Variants in RICTOR observed in about 807,000 individuals in gnomAD.
The protein encoded by RICTOR is rapamycin-insensitive companion of mTOR.
Under a neutral mutation model 214.9 loss-of-function variants are expected in RICTOR, and 49 were observed. That is an observed-to-expected ratio of 0.23 (90% CI 0.18 to 0.29). The LOEUF (loss-of-function observed/expected upper bound fraction) is 0.29, where lower values mean the gene tolerates loss of function less well. Ranked by LOEUF, RICTOR falls within the 10% of genes least tolerant of loss-of-function variation. The pLI is 1.00. For missense variants in RICTOR, 1,625 were observed against 2,047.0 expected, an observed-to-expected ratio of 0.79 and a Z score of 3.98; for synonymous variants, 717 against 711.3, an observed-to-expected ratio of 1.01 and a Z score of -0.13.
intron 3 of RICTOR, among the ~76,000 whole-genome samples, chr5:39,010,557 C>A (rs1190212248): frequency 2.0e-5 from 3 of 152,128 alleles, no homozygotes; most frequent in African/African-American, 7.2e-5. Context: ...GTCCTATAGA[C>A]CTGTTGAATG....
intron 2 of RICTOR, among the ~76,000 whole-genome samples, chr5:39,033,671 G>A (rs552436468): frequency 2.0e-4 from 31 of 151,936 alleles, no homozygotes; most frequent in Admixed American, 9.2e-4. Flanking sequence ...AAGAGACACC[G>A]GGGACTAGTA....
chr5:38,978,041 T>A (rs1751387789), intron 9 of RICTOR, among the ~76,000 whole-genome samples: 1 of 152,216 alleles, frequency 6.6e-6, no homozygotes, highest in South Asian at 2.1e-4. Context: ...TTGCAAAATC[T>A]TTACAGAGTG....
At chr5:39,070,871 CAG>C (rs1190814743) in intron 2 of RICTOR, among the ~76,000 whole-genome samples, 1 of 152,182 alleles carries the variant, frequency 6.6e-6, no homozygotes, top group East Asian at 1.9e-4. Context: ...GCATGCATTA[CAG>C]ACAGTATTTA....
intron 2 of RICTOR, among the ~76,000 whole-genome samples, chr5:39,048,631 T>C (rs1424055503): frequency 6.6e-6 from 1 of 152,152 alleles, no homozygotes; most frequent in East Asian, 1.9e-4. Flanking sequence ...CTTGTGCTGG[T>C]TTCCCCCAGA....
chr5:39,035,044 C>G (rs1457240737), intron 2 of RICTOR, among the ~76,000 whole-genome samples: 1 of 152,248 alleles, frequency 6.6e-6, no homozygotes, highest in Non-Finnish European at 1.5e-5. Context: ...CCCCTGACCC[C>G]TGAGCAGCCT....
intron 11 of RICTOR, among the ~76,000 whole-genome samples, chr5:38,969,217 C>A (rs1352500665): frequency 6.6e-6 from 1 of 151,872 alleles, no homozygotes; most frequent in African/African-American, 2.4e-5. Context: ...GGTGATCTGC[C>A]CGCCTTGGCC....
chr5:39,036,080 C>T (rs944122260), intron 2 of RICTOR, among the ~76,000 whole-genome samples: 50 of 152,204 alleles, frequency 3.3e-4, no homozygotes, highest in Non-Finnish European at 3.2e-4. Flanking sequence ...GGTCGGGTTA[C>T]CCACAAAGGG....
In RICTOR at chr5:38,949,881, T is replaced by C. The variant is rs1303996305; in HGVS notation, c.3967A>G (p.Ser1323Gly). Reference sequence around the variant, plus strand: ...GCATAGCCAAAAGCATCTCTAGAACTTGTGTAACTAAAGTTACAATCTGCT... The same window carrying C: ...GCATAGCCAAAAGCATCTCTAGAACCTGTGTAACTAAAGTTACAATCTGCT... ...SLADCNFSYT[S>G]SRDAFGYATL... The change falls in exon 31 of 38, where the codon AGT (serine) becomes GGT (glycine). Residue 1323 changes from serine to glycine, a missense_variant. Around this residue, in one of 5 missense-constraint regions of RICTOR, gnomAD observed 1,214 missense variants for 1,470.5 expected, o/e 0.83. Transcript: ENST00000357387. The C allele has an allele frequency of 6.2e-7, 1 of 1,613,304 alleles. No homozygotes were observed. The highest frequency in any genetic ancestry group is 1.3e-5 in the African/African-American group (1 of 74,852).
chr5:39,014,476 T>G (rs1385041088), intron 3 of RICTOR, among the ~76,000 whole-genome samples: 1 of 152,132 alleles, frequency 6.6e-6, no homozygotes, highest in Non-Finnish European at 1.5e-5. Flanking sequence ...TCTGTACCAT[T>G]TTAATTTTTT....
At chr5:38,969,247 CAGGT>C (rs1750520773) in intron 11 of RICTOR, among the ~76,000 whole-genome samples, 1 of 151,884 alleles carries the variant, frequency 6.6e-6, no homozygotes, top group South Asian at 2.1e-4. Context: ...GCTGGGATTA[CAGGT>C]GTGAGCCACC....
At chr5:38,952,107 TACAAATGTA>T in intron 30 of RICTOR, 80 bp downstream of exon 30, 1 of 800,962 alleles carries the variant, frequency 1.2e-6, no homozygotes, top group South Asian at 1.8e-5. Flanking sequence ...AAAAGCAAAT[TACAAATGTA>T]ACAAATACAT....
intron 3 of RICTOR, among the ~76,000 whole-genome samples, chr5:39,018,756 G>A (rs1028049530): frequency 9.9e-5 from 15 of 151,968 alleles, no homozygotes; most frequent in African/African-American, 3.4e-4. Flanking sequence ...AGTAAAATTG[G>A]GCAAATTAAT....
intron 2 of RICTOR, among the ~76,000 whole-genome samples, chr5:39,051,019 TTC>T (rs1757798464): frequency 6.8e-6 from 1 of 147,494 alleles, no homozygotes; most frequent in African/African-American, 2.5e-5. Flanking sequence ...TGGATAATCT[TTC>T]TCTCTCCCCA....
intron 2 of RICTOR, among the ~76,000 whole-genome samples, chr5:39,046,293 G>T (rs1388040800): frequency 6.6e-6 from 1 of 150,942 alleles, no homozygotes; most frequent in African/African-American, 2.4e-5. Context: ...GAGCCCAGGT[G>T]ATTGAAGCTA....
At chr5:38,943,158 G>GT (rs5867438) in intron 36 of RICTOR, 187 bp from the exon 37 acceptor site, 205,216 of 381,430 alleles carry the variant, frequency 0.54, 51,939 homozygotes, top group East Asian at 0.58. Context: ...CTGAGTTTGG[G>GT]TTTTTTTTTA....
chr5:38,954,498 T>G (rs1357634961), intron 27 of RICTOR, among the ~76,000 whole-genome samples: 1 of 151,918 alleles, frequency 6.6e-6, no homozygotes, highest in Admixed American at 6.6e-5. Flanking sequence ...AAAAAAGAAC[T>G]CAGATCTTCA....
At chr5:38,995,199 G>A (rs1753089846) in intron 6 of RICTOR, among the ~76,000 whole-genome samples, 1 of 152,128 alleles carries the variant, frequency 6.6e-6, no homozygotes. Context: ...TAAAGAAAAT[G>A]TGGTATTATA....
chr5:38,950,465 T>A lies in RICTOR; in HGVS notation c.3383A>T (p.Asn1128Ile), dbSNP rs1381026597. 1 of 1,613,446 alleles carries A rather than the reference T, an allele frequency of 6.2e-7. No homozygotes were observed. Among genetic ancestry groups the A allele is most frequent in the Non-Finnish European group, 8.5e-7 (1 of 1,179,668 alleles). The change falls in exon 31 of 38, where the codon AAC (asparagine) becomes ATC (isoleucine). Residue 1128 changes from asparagine (N) to isoleucine (I), a missense_variant. By Grantham distance (149) the Asn-to-Ile change is moderately radical. Around this residue, in one of 5 missense-constraint regions of RICTOR, gnomAD observed 1,214 missense variants for 1,470.5 expected, o/e 0.83. Coordinates refer to ENST00000357387, the MANE Select transcript of RICTOR (RefSeq NM_152756.5). ...CTCCGTAAGTGTTCTGATTCGCCTG[T>A]TGCTTGTCTTACTTTCAGATGATAA... ...GKLSSESKTS[N>I]RRIRTLTEPS...
chr5:39,053,619 G>A (rs370391377), intron 2 of RICTOR, among the ~76,000 whole-genome samples: 41 of 152,184 alleles, frequency 2.7e-4, no homozygotes, highest in Non-Finnish European at 7.3e-5. Context: ...AGGGTCGGGC[G>A]CGGTGGCTCA....
Sources: allele counts gnomAD v4.1 joint callset (sites outside exome capture counted in the v4.1 genomes callset), GRCh38; gene constraint gnomAD v4.1.1; regional missense constraint gnomAD v4.1.1; transcripts MANE v1.5; gene names NCBI Gene and HGNC (gene_info 2026-07-23, HGNC 2026-07-21).